PIBF1: variants seen among roughly 807,000 people sequenced by gnomAD.
PIBF1 encodes the protein progesterone-induced-blocking factor 1.
A neutral mutation model predicts 112.5 loss-of-function variants in PIBF1; 90 were observed. That is an observed-to-expected ratio of 0.80 (90% CI 0.67 to 0.95). The LOEUF is 0.95. Ranked by LOEUF, PIBF1 falls within the 40% of genes least tolerant of loss-of-function variation. The pLI, the probability that PIBF1 is intolerant of heterozygous loss-of-function variation, is 0.00. For synonymous variants in PIBF1, 301 were observed against 288.6 expected (o/e 1.04, Z -0.44); for missense variants, 915 against 852.3 (o/e 1.07, Z -0.92).
intron 13 of PIBF1, among the ~76,000 whole-genome samples, chr13:72,928,860 A>T (rs60288513): frequency 0.1 from 15,978 of 152,200 alleles, 2,398 homozygotes; most frequent in African/African-American, 0.34. Flanking sequence ...AACCAAATGA[A>T]CAATTTAACA....
chr13:72,804,656 G>A (rs1174308706), intron 5 of PIBF1, among the ~76,000 whole-genome samples: 3 of 152,154 alleles, frequency 2.0e-5, no homozygotes, highest in South Asian at 2.1e-4. Flanking sequence ...AGAGAGATGG[G>A]TTGGGAGAAG....
intron 2 of PIBF1, 60 bp from the exon 3 acceptor site, chr13:72,792,387 T>C: frequency 3.9e-6 from 4 of 1,031,134 alleles, no homozygotes; most frequent in Middle Eastern, 4.4e-4. Flanking sequence ...ATGTTTATTA[T>C]GAAACTGAAA....
intron 14 of PIBF1, among the ~76,000 whole-genome samples, chr13:72,958,141 T>C (rs920102157): frequency 1.3e-5 from 2 of 151,282 alleles, no homozygotes; most frequent in Non-Finnish European, 2.9e-5. Flanking sequence ...AAGAATCACG[T>C]AAGATTCTTG....
intron 2 of PIBF1, among the ~76,000 whole-genome samples, chr13:72,790,536 TA>T: frequency 6.8e-6 from 1 of 148,020 alleles, no homozygotes; most frequent in African/African-American, 2.6e-5. Context: ...GATAGATAGA[TA>T]GATAGATAGA....
intron 14 of PIBF1, among the ~76,000 whole-genome samples, chr13:72,938,756 G>C (rs769304376): frequency 1.3e-5 from 2 of 152,216 alleles, no homozygotes; most frequent in South Asian, 2.1e-4. Flanking sequence ...ACTGTTTTTC[G>C]TAGTGACTAT....
intron 13 of PIBF1, among the ~76,000 whole-genome samples, chr13:72,924,260 ATTGC>A (rs2041403598): frequency 6.6e-6 from 1 of 151,970 alleles, no homozygotes; most frequent in Non-Finnish European, 1.5e-5. Context: ...GCACTTTTTA[ATTGC>A]TAGTTCAATG....
At chr13:72,927,976 TACATATATATATAC>T (rs2041558573) in intron 13 of PIBF1, among the ~76,000 whole-genome samples, 1 of 81,100 alleles carries the variant, frequency 1.2e-5, no homozygotes, top group Non-Finnish European at 2.8e-5. Context: ...TATATATATA[TACATATATATATAC>T]ACACACATAT....
chr13:72,999,744 TA>T (rs1002513482), intron 17 of PIBF1, among the ~76,000 whole-genome samples: 1 of 152,130 alleles, frequency 6.6e-6, no homozygotes, highest in Non-Finnish European at 1.5e-5. Context: ...CCTCCCTTTT[TA>T]AAAAAATGAA....
At chr13:72,802,296 A>G (rs2035525384) in intron 5 of PIBF1, among the ~76,000 whole-genome samples, 1 of 152,172 alleles carries the variant, frequency 6.6e-6, no homozygotes, top group South Asian at 2.1e-4. Context: ...CTTTTTAATG[A>G]GTATTTTAAA....
intron 12 of PIBF1, among the ~76,000 whole-genome samples, chr13:72,916,718 A>G (rs2041110896): frequency 6.6e-6 from 1 of 152,174 alleles, no homozygotes; most frequent in Non-Finnish European, 1.5e-5. Context: ...TATCAAGAAC[A>G]GAATTGATGA....
At chr13:72,936,803 A>T (rs773733459) in intron 14 of PIBF1, among the ~76,000 whole-genome samples, 1 of 150,708 alleles carries the variant, frequency 6.6e-6, no homozygotes, top group Admixed American at 6.6e-5. Flanking sequence ...CAGTTTGTTA[A>T]TTTTTTTTTC....
Position 72,783,594 on chromosome 13 carries a change from G to T in PIBF1, c.125G>T (p.Gly42Val), listed in dbSNP as rs1398379696. Residue 42 changes from glycine (G) to valine (V), a missense_variant, in exon 2 of 18, where the codon GGC becomes GTC. Gly to Val is a moderately radical substitution (Grantham distance 109, BLOSUM62 -3). Coordinates refer to ENST00000326291, the MANE Select transcript of PIBF1 (RefSeq NM_006346.4). ...ATTTCCTCATCAGAAGAGCGAGAGG[G>T]CAAAGTCAGAATCACCAGGCAGCTA... ...DDISSSEERE[G>V]KVRITRQLIE... The T allele has an allele frequency of 6.2e-7, 1 of 1,613,944 alleles. No individual in the cohort carries two copies. Among genetic ancestry groups the T allele is most frequent in the East Asian group, 2.2e-5 (1 of 44,868 alleles).
At chr13:72,979,847 G>A (rs933489376) in intron 16 of PIBF1, among the ~76,000 whole-genome samples, 3 of 152,072 alleles carry the variant, frequency 2.0e-5, no homozygotes, top group African/African-American at 7.2e-5. Flanking sequence ...GCATGAACCC[G>A]GGAGGCGAAG....
At chr13:72,904,007 T>C (rs534566590) in intron 11 of PIBF1, among the ~76,000 whole-genome samples, 3 of 152,318 alleles carry the variant, frequency 2.0e-5, no homozygotes, top group Admixed American at 2.0e-4. Flanking sequence ...GTTTTGATGC[T>C]ATAGAATTTT....
At chr13:72,897,282 A>C (rs952830032) in intron 11 of PIBF1, among the ~76,000 whole-genome samples, 1 of 152,258 alleles carries the variant, frequency 6.6e-6, no homozygotes, top group Non-Finnish European at 1.5e-5. Context: ...AGCCACCACT[A>C]TAAGAACAGC....
rs1374100775 is a variant in PIBF1, at chr13:72,929,352, C to T, written c.1731-1813C>T. On this transcript the variant is annotated intron_variant, in intron 13 of 17. Transcript: ENST00000326291. ...TATTTTAGGGTCAAATTAGAGAGAA[C>T]TTAGTATATTTTTATTGGGAAATGA... is the stretch of plus-strand genomic sequence containing the variant. Among the ~76,000 whole-genome samples the T allele has an allele frequency of 3.3e-5, 5 of 152,022 alleles. No individual in the cohort carries two copies. In the East Asian group the frequency reaches 5.8e-4, roughly 18 times the overall value.
intron 2 of PIBF1, among the ~76,000 whole-genome samples, chr13:72,790,421 T>TCTCACACA (rs148468398): frequency 3.0e-5 from 4 of 135,542 alleles, no homozygotes; most frequent in African/African-American, 8.7e-5. Flanking sequence ...GAGGAGTCCA[T>TCTCACACA]CACACACACA....
intron 16 of PIBF1, among the ~76,000 whole-genome samples, chr13:72,976,923 A>G (rs567340490): frequency 4.6e-4 from 70 of 152,252 alleles, no homozygotes; most frequent in Middle Eastern, 3.4e-3. Flanking sequence ...GGCATCTAGG[A>G]CACATGATGT....
intron 16 of PIBF1, among the ~76,000 whole-genome samples, chr13:72,975,082 A>G: frequency 7.0e-6 from 1 of 142,896 alleles, no homozygotes; most frequent in African/African-American, 2.6e-5. Flanking sequence ...TGGAGACAGG[A>G]TCTTGCTCTG....
Sources: allele counts gnomAD v4.1 joint callset (sites outside exome capture counted in the v4.1 genomes callset), GRCh38; gene constraint gnomAD v4.1.1; transcripts MANE v1.5; gene names NCBI Gene and HGNC (gene_info 2026-07-23, HGNC 2026-07-21).